TDRD12: variants seen among roughly 807,000 people sequenced by gnomAD.
The protein encoded by TDRD12 is tudor domain containing 12, also known as putative ATP-dependent RNA helicase TDRD12.
In TDRD12, 158 loss-of-function variants were observed where a neutral mutation model predicts 133.5. The ratio of observed to expected loss-of-function variants is 1.18; its 90% CI spans 1.04 to 1.35. TDRD12 has a LOEUF of 1.35. Ranked by LOEUF, TDRD12 falls within the 40% of genes most tolerant of loss-of-function variation. TDRD12 has a pLI of 0.00. For missense variants in TDRD12, 1,443 were observed against 1,321.3 expected (o/e 1.09, Z -1.43); for synonymous variants, 460 against 477.9 (o/e 0.96, Z 0.49).
chr19:32,758,494 C>T (rs991161115), intron 8 of TDRD12, among the ~76,000 whole-genome samples: 3 of 152,142 alleles, frequency 2.0e-5, no homozygotes, highest in South Asian at 4.1e-4. Context: ...TTACCCGAGA[C>T]TTGTAGCTAG....
intron 11 of TDRD12, among the ~76,000 whole-genome samples, chr19:32,782,028 T>A (rs978645756): frequency 2.0e-5 from 3 of 152,162 alleles, no homozygotes; most frequent in African/African-American, 4.8e-5. Flanking sequence ...GCAGTTTTGT[T>A]ACATAAGTGT....
chr19:32,807,216 A>G (rs55977451), intron 21 of TDRD12, among the ~76,000 whole-genome samples: 14,729 of 142,986 alleles, frequency 0.1, 960 homozygotes, highest in Middle Eastern at 0.16. Context: ...ATGGTGAGAC[A>G]TGATCTTGCC....
chr19:32,736,014 T>G (rs1187596939), intron 2 of TDRD12, among the ~76,000 whole-genome samples: 1 of 152,100 alleles, frequency 6.6e-6, no homozygotes, highest in Admixed American at 6.6e-5. Flanking sequence ...GACTAAAGCT[T>G]TAAAGGTCAG....
intron 2 of TDRD12, among the ~76,000 whole-genome samples, chr19:32,732,952 T>G (rs2145439609): frequency 6.6e-6 from 1 of 151,538 alleles, no homozygotes; most frequent in Non-Finnish European, 1.5e-5. Flanking sequence ...GAAAGAAGAT[T>G]GCTTGAGCCT....
chr19:32,806,200 C>G (rs1412963936), intron 21 of TDRD12, among the ~76,000 whole-genome samples: 1 of 152,182 alleles, frequency 6.6e-6, no homozygotes, highest in Non-Finnish European at 1.5e-5. Context: ...ACACAGACAG[C>G]TGAGGCTGGG....
At chr19:32,761,176 G>T (rs1454506995) in intron 8 of TDRD12, among the ~76,000 whole-genome samples, 2 of 152,184 alleles carry the variant, frequency 1.3e-5, no homozygotes, top group Admixed American at 1.3e-4. Context: ...GAGTGCAGTG[G>T]CACATCTCAG....
intron 11 of TDRD12, among the ~76,000 whole-genome samples, chr19:32,779,922 GTTCT>G (rs1249795717): frequency 6.6e-6 from 1 of 152,090 alleles, no homozygotes; most frequent in African/African-American, 2.4e-5. Context: ...TCTCTCTGCA[GTTCT>G]TTGTCTTTCC....
intron 26 of TDRD12, among the ~76,000 whole-genome samples, chr19:32,816,872 C>T (rs1011937197): frequency 1.3e-5 from 2 of 152,160 alleles, no homozygotes; most frequent in African/African-American, 4.8e-5. Context: ...GCAGCCACTT[C>T]AGGATACCTA....
chr19:32,728,383 G>A (rs1348690415), intron 1 of TDRD12, among the ~76,000 whole-genome samples: 4 of 152,134 alleles, frequency 2.6e-5, no homozygotes, highest in Non-Finnish European at 2.9e-5. Context: ...AAATCTTCCA[G>A]TCAATGAATG....
intron 6 of TDRD12, among the ~76,000 whole-genome samples, chr19:32,750,563 G>A (rs1190520142): frequency 6.6e-6 from 1 of 152,230 alleles, no homozygotes; most frequent in African/African-American, 2.4e-5. Flanking sequence ...TTTAAAACCA[G>A]AAAAGTAACA....
intron 2 of TDRD12, among the ~76,000 whole-genome samples, chr19:32,732,893 T>A (rs111573119): frequency 1.3e-5 from 2 of 152,154 alleles, no homozygotes; most frequent in East Asian, 3.9e-4. Flanking sequence ...ACATTTTGGG[T>A]TGGGCATGCT....
intron 22 of TDRD12, among the ~76,000 whole-genome samples, chr19:32,808,352 C>T (rs1333556334): frequency 6.6e-6 from 1 of 152,196 alleles, no homozygotes; most frequent in African/African-American, 2.4e-5. Flanking sequence ...CACATTTCTT[C>T]TGACATGTTC....
rs75360651 is a variant in TDRD12, at chr19:32,813,699, C to A, written c.3064C>A (p.His1022Asn). Residue 1022 changes from histidine to asparagine, a missense_variant, in exon 25 of 28, where the codon CAT becomes AAT. His to Asn is a moderately conservative substitution (Grantham distance 68). Coordinates refer to ENST00000444215, the Ensembl canonical transcript of TDRD12. The stretch of plus-strand genomic sequence containing the variant: ...CTTTTTTCAGGTTACTAGGTACATT[C>A]ATCATAAAATTGTTGGAAAATTGCA... The A allele has an allele frequency of 4.6e-6, 7 of 1,530,684 alleles. No individual in the cohort carries two copies. In the South Asian group the frequency reaches 7.2e-5, roughly 16 times the overall value. The allele number at this position is 1,530,684 out of a possible 1,614,324, so 94.8% of individuals were successfully genotyped here.
downstream of TDRD12, among the ~76,000 whole-genome samples, chr19:32,822,564 G>A (rs544921692): frequency 6.6e-6 from 1 of 152,190 alleles, no homozygotes; most frequent in East Asian, 1.9e-4. Flanking sequence ...TGGCTAACAC[G>A]GTGAAACCCC....
downstream of TDRD12, among the ~76,000 whole-genome samples, chr19:32,823,114 A>G (rs1555779030): frequency 6.6e-6 from 1 of 152,142 alleles, no homozygotes; most frequent in Non-Finnish European, 1.5e-5. Flanking sequence ...TGGACCCTGC[A>G]TGGCTCTGCT....
exon 2 of TDRD12, chr19:32,731,770 C>A (rs1380052120): frequency 6.4e-7 from 1 of 1,550,736 alleles, no homozygotes. Flanking sequence ...AGGGTGTAGT[C>A]CCTTTTTAGA....
chr19:32,767,640 A>G (rs990216279), intron 8 of TDRD12, among the ~76,000 whole-genome samples: 3 of 152,030 alleles, frequency 2.0e-5, no homozygotes, highest in Admixed American at 6.6e-5. Context: ...CTCCTATTCA[A>G]TTTATTTATC....
chr19:32,743,327 AC>A (rs1969489880), intron 4 of TDRD12, among the ~76,000 whole-genome samples: 1 of 151,900 alleles, frequency 6.6e-6, no homozygotes, highest in Non-Finnish European at 1.5e-5. Flanking sequence ...GACTACAGGC[AC>A]ATGCCACCAT....
intron 1 of TDRD12, among the ~76,000 whole-genome samples, chr19:32,731,197 A>G (rs1257058480): frequency 6.6e-6 from 1 of 151,898 alleles, no homozygotes; most frequent in Non-Finnish European, 1.5e-5. Flanking sequence ...TTTATCTGCC[A>G]TTATTATTTT....
Sources: gnomAD v4.1 joint callset for allele counts (sites outside exome capture counted in the v4.1 genomes callset) on GRCh38, gnomAD v4.1.1 for gene constraint, MANE v1.5 for transcripts, NCBI Gene and HGNC (gene_info 2026-07-23, HGNC 2026-07-21) for gene names.